The following CRBN variants were observed in gnomAD, a reference collection of about 807,000 sequenced individuals.
CRBN encodes protein cereblon.
Under a neutral mutation model 62.2 loss-of-function variants are expected in CRBN, and 53 were observed. The ratio of observed to expected loss-of-function variants is 0.85; its 90% confidence interval spans 0.68 to 1.07. The LOEUF is 1.07. Ranked by LOEUF, CRBN falls within the 50% of genes least tolerant of loss-of-function variation. The pLI is 0.00. For synonymous variants in CRBN, 208 were observed against 176.1 expected, an observed-to-expected ratio of 1.18 and a Z score of -1.43; for missense variants, 616 against 531.1, an observed-to-expected ratio of 1.16 and a Z score of -1.57.
Position 3,150,984 on chromosome 3 carries a change from C to T in CRBN, c.1210G>A (p.Ala404Thr). The change falls in exon 11 of 11, where the codon GCC (alanine) becomes ACC (threonine). Residue 404 changes from alanine (A) to threonine (T), a missense_variant. Ala to Thr is a moderately conservative substitution (Grantham distance 58). Coordinates refer to ENST00000231948, the MANE Select transcript of CRBN (RefSeq NM_016302.4). ...TGAGGTGACATGTCTTTTTTGGTGG[C>T]CGTAAACTTCCATCCAATATGGCTT... is the stretch of plus-strand genomic sequence containing the variant. ...CASHIGWKFT[A>T]TKKDMSPQKF... 2 of 1,613,984 alleles carry T rather than the reference C, an allele frequency of 1.2e-6. No individual in the cohort carries two copies. Among genetic ancestry groups the T allele is most frequent in the Non-Finnish European group, 1.7e-6 (2 of 1,179,962 alleles).
rs767480825 is a variant in CRBN at position 3,152,562 on chromosome 3, C to T, written c.1042G>A (p.Ala348Thr). The T allele has an allele frequency of 1.2e-6, 2 of 1,614,096 alleles. No homozygotes were observed. The highest frequency in any genetic ancestry group is 1.7e-6 in the Non-Finnish European group (2 of 1,180,002). ...ACATATCCATGAGGATTCACATAAG[C>T]TGCCATCGGCCCACATAAGGATAAA... ...FSLSLCGPMA[A>T]YVNPHGYVHE... Residue 348 changes from alanine to threonine, a missense_variant, in exon 10 of 11, where the codon GCT (alanine) becomes ACT (threonine). Physicochemically the swap from Ala to Thr is moderately conservative, Grantham distance 58. Coordinates refer to ENST00000231948, the MANE Select transcript of CRBN (RefSeq NM_016302.4).
intron 6 of CRBN, chr3:3,155,123 C>T: frequency 2.4e-6 from 1 of 411,790 alleles, no homozygotes; most frequent in African/African-American, 2.0e-5. Context: ...ACTGGCCTCT[C>T]TTCTGCCTTC....
rs1027287836 is a variant in CRBN, at chr3:3,150,055, A to G, written c.*810T>C. ...TTTACTTACTTACAGATTTTCTTCAATTTACATTGAACAAAATAATACAGT... is the reference window on the plus strand; with the variant it reads ...TTTACTTACTTACAGATTTTCTTCAGTTTACATTGAACAAAATAATACAGT... On this transcript the variant is annotated 3_prime_UTR_variant, in exon 11 of 11. Coordinates refer to ENST00000231948, the MANE Select transcript of CRBN (RefSeq NM_016302.4). 2.6e-5 allele frequency: 4 copies of G among 152,164 alleles called. No individual in the cohort carries two copies. Among genetic ancestry groups the G allele is most frequent in the African/African-American group, 9.7e-5 (4 of 41,442 alleles). The allele number at this position is 152,164 out of a possible 1,614,324, so 9.4% of individuals were successfully genotyped here.
Position 3,152,571 on chromosome 3 carries a change from G to A in CRBN, c.1033C>T (p.Pro345Ser). The change falls in exon 10 of 11, where the codon CCG becomes TCG. Residue 345 changes from proline (P) to serine (S), a missense_variant. By Grantham distance (74) the Pro-to-Ser change is moderately conservative. Coordinates refer to ENST00000231948, the MANE Select transcript of CRBN (RefSeq NM_016302.4). The stretch of plus-strand genomic sequence containing the variant: ...TGAGGATTCACATAAGCTGCCATCG[G>A]CCCACATAAGGATAAACTAAAACAA... Reference protein sequence around the residue: ...NEIFSLSLCGPMAAYVNPHGY... With the variant: ...NEIFSLSLCGSMAAYVNPHGY... The A allele has an allele frequency of 1.2e-6, 2 of 1,614,022 alleles. No homozygotes were observed. The highest frequency in any genetic ancestry group is 1.7e-6 in the Non-Finnish European group (2 of 1,179,986).
chr3:3,159,903 C>T (rs771355308), intron 5 of CRBN, among the ~76,000 whole-genome samples: 3 of 152,172 alleles, frequency 2.0e-5, no homozygotes, highest in Non-Finnish European at 4.4e-5. Flanking sequence ...TAAGTTCTAG[C>T]AATTTATAGG....
intron 5 of CRBN, among the ~76,000 whole-genome samples, chr3:3,162,351 T>G (rs1559248891): frequency 6.6e-6 from 1 of 151,984 alleles, no homozygotes; most frequent in Non-Finnish European, 1.5e-5. Context: ...TGTAGGGGGA[T>G]TCTCAAATCC....
chr3:3,152,411 A>C, intron 10 of CRBN, 45 bp downstream of exon 10: 1 of 1,582,860 alleles, frequency 6.3e-7, no homozygotes, highest in East Asian at 2.4e-5. Flanking sequence ...CTGCCCAATT[A>C]AGGTAAAAAA....
intron 3 of CRBN, 121 bp from the exon 4 acceptor site, chr3:3,173,046 G>A (rs1468676349): frequency 5.1e-6 from 4 of 778,512 alleles, no homozygotes; most frequent in Non-Finnish European, 8.9e-6. Context: ...TACAAAGCTA[G>A]GATAATTTTA....
intron 5 of CRBN, among the ~76,000 whole-genome samples, chr3:3,166,984 A>T (rs573188187): frequency 6.6e-6 from 1 of 152,020 alleles, no homozygotes. Context: ...AGAAACTAGT[A>T]ATCTTTTTCT....
At chr3:3,156,478 T>C in intron 5 of CRBN, 197 bp from the exon 6 acceptor site, 1 of 587,478 alleles carries the variant, frequency 1.7e-6, no homozygotes, top group Admixed American at 3.1e-5. Flanking sequence ...CAAATATATA[T>C]TGTAACTAGA....
intron 9 of CRBN, 61 bp from the exon 10 acceptor site, chr3:3,152,648 C>G: frequency 6.3e-7 from 1 of 1,598,108 alleles, no homozygotes; most frequent in Non-Finnish European, 8.6e-7. Context: ...TTATTAAATG[C>G]TTAGAATTTT....
chr3:3,155,441 A>G (rs1714324), intron 6 of CRBN: 1 of 153,850 alleles, frequency 6.5e-6, no homozygotes, highest in Non-Finnish European at 1.4e-5. Context: ...CACACCAGGT[A>G]CAATAGCTAC....
intron 3 of CRBN, among the ~76,000 whole-genome samples, chr3:3,173,598 C>A (rs1256113921): frequency 2.6e-5 from 4 of 152,148 alleles, no homozygotes; most frequent in African/African-American, 9.7e-5. Flanking sequence ...CCTGCCTCTA[C>A]CGCAGATTTC....
intron 5 of CRBN, among the ~76,000 whole-genome samples, chr3:3,156,956 T>G (rs1248751542): frequency 1.3e-5 from 2 of 152,110 alleles, no homozygotes; most frequent in Admixed American, 6.5e-5. Flanking sequence ...GGGAGAAATG[T>G]GAATTGTAGA....
intron 4 of CRBN, among the ~76,000 whole-genome samples, chr3:3,171,180 T>C (rs1707595229): frequency 6.6e-6 from 1 of 152,208 alleles, no homozygotes. Flanking sequence ...TGCCATCTTG[T>C]GTTCAATAGT....
intron 5 of CRBN, among the ~76,000 whole-genome samples, chr3:3,163,281 G>A (rs1707210881): frequency 6.6e-6 from 1 of 152,132 alleles, no homozygotes; most frequent in East Asian, 1.9e-4. Flanking sequence ...AACCTTTTAG[G>A]CCTTCTCATT....
downstream of CRBN, chr3:3,149,964 T>TTTAAAA (rs1229761048): frequency 6.6e-6 from 1 of 152,170 alleles, no homozygotes; most frequent in African/African-American, 2.4e-5. Context: ...TTTTTAGAAC[T>TTTAAAA]TTAAAATTAT....
rs756440147 is a variant in CRBN at position 3,179,672 on chromosome 3, C to G, written c.16G>C (p.Asp6His). 5.9e-5 allele frequency: 95 copies of G among 1,612,898 alleles called. 1 individual carries two copies. The highest frequency in any genetic ancestry group is 3.1e-4 in the South Asian group (28 of 91,016). The change falls in exon 1 of 11, where the codon GAT becomes CAT. Residue 6 changes from aspartate to histidine, a missense_variant. By Grantham distance (81) the Asp-to-His change is moderately conservative. Transcript: ENST00000231948. MAGEGDQQDAAHNMGN... is the reference protein window; with the variant it reads MAGEGHQQDAAHNMGN... ...ATGTTGTGCGCAGCGTCCTGCTGAT[C>G]TCCTTCGCCGGCCATGTCTGTTTAC...
At chr3:3,168,233 T>C (rs1187949203) in intron 4 of CRBN, among the ~76,000 whole-genome samples, 5 of 151,768 alleles carry the variant, frequency 3.3e-5, no homozygotes, top group African/African-American at 1.2e-4. Context: ...TCATCTAATC[T>C]AAGTAGAGAA....
Sources: gnomAD v4.1 joint callset for allele counts (sites outside exome capture counted in the v4.1 genomes callset) on GRCh38, gnomAD v4.1.1 for gene constraint, MANE v1.5 for transcripts, NCBI Gene and HGNC (gene_info 2026-07-23, HGNC 2026-07-21) for gene names.